Variants in EXOC6 observed in about 807,000 individuals in gnomAD.
The protein encoded by EXOC6 is SEC15-like 1.
In EXOC6, 60 loss-of-function variants were observed where a neutral mutation model predicts 112.5. The ratio of observed to expected loss-of-function variants is 0.53; its 90% CI spans 0.43 to 0.66. The LOEUF is 0.66. EXOC6 is among the 30% of genes least tolerant of loss of function. The probability of loss-of-function intolerance (pLI) is 0.00; values close to 1 mark genes in which losing one functional copy is unlikely to be tolerated. For synonymous variants in EXOC6, 295 were observed against 308.0 expected (o/e 0.96, Z 0.44); for missense variants, 855 against 957.1 (o/e 0.89, Z 1.41).
chr10:92,838,649 CG>C (rs1554878758), intron 1 of EXOC6, among the ~76,000 whole-genome samples: 1 of 152,104 alleles, frequency 6.6e-6, no homozygotes, highest in Non-Finnish European at 1.5e-5. Flanking sequence ...GAAAATACCA[CG>C]GTGGAAAAGT....
At chr10:92,988,800 TACAC>T (rs67242778) in intron 18 of EXOC6, among the ~76,000 whole-genome samples, 5,029 of 143,012 alleles carry the variant, frequency 0.035, 81 homozygotes, top group Middle Eastern at 0.051. Flanking sequence ...CTACAAAAAA[TACAC>T]ACACACACAC....
chr10:92,970,663 G>A (rs1330028911), intron 17 of EXOC6, among the ~76,000 whole-genome samples: 1 of 152,182 alleles, frequency 6.6e-6, no homozygotes, highest in Non-Finnish European at 1.5e-5. Context: ...TAGTTGAGGG[G>A]AAGCTCTGTT....
intron 19 of EXOC6, among the ~76,000 whole-genome samples, chr10:93,010,941 T>C (rs1004928212): frequency 3.3e-5 from 5 of 152,112 alleles, no homozygotes; most frequent in Non-Finnish European, 7.4e-5. Context: ...CATTGAGCTC[T>C]TTGGTTAAAT....
intron 17 of EXOC6, among the ~76,000 whole-genome samples, chr10:92,961,210 T>C (rs1232654074): frequency 6.6e-6 from 1 of 152,208 alleles, no homozygotes; most frequent in African/African-American, 2.4e-5. Context: ...CCTTGACTGA[T>C]TAATTGCATG....
At chr10:92,844,086 G>T (rs1227074261), upstream of EXOC6, among the ~76,000 whole-genome samples, 2 of 151,266 alleles carry the variant, frequency 1.3e-5, no homozygotes, top group Non-Finnish European at 2.9e-5. Context: ...GGAGGGCGGA[G>T]GTTGCAGTGA....
intron 17 of EXOC6, among the ~76,000 whole-genome samples, chr10:92,970,227 A>G (rs986487524): frequency 7.9e-5 from 12 of 152,196 alleles, no homozygotes; most frequent in African/African-American, 2.9e-4. Flanking sequence ...CCTATCATAG[A>G]TCAAAAATAT....
At chr10:93,017,046 C>T (rs910654670) in intron 20 of EXOC6, among the ~76,000 whole-genome samples, 2 of 151,926 alleles carry the variant, frequency 1.3e-5, no homozygotes, top group Non-Finnish European at 2.9e-5. Flanking sequence ...AAACTCCTGA[C>T]CTCAGGTGAT....
chr10:92,981,644 T>A (rs1384284989), intron 18 of EXOC6, among the ~76,000 whole-genome samples: 16 of 152,242 alleles, frequency 1.1e-4, no homozygotes, highest in Admixed American at 1.0e-3. Flanking sequence ...AATGTAATAT[T>A]CTTTGCTTAA....
At chr10:93,020,089 A>AT (rs1844713619) in intron 20 of EXOC6, among the ~76,000 whole-genome samples, 1 of 152,146 alleles carries the variant, frequency 6.6e-6, no homozygotes, top group Admixed American at 6.5e-5. Context: ...ATACATATTA[A>AT]AGGAAAAACC....
At chr10:92,898,868 A>G (rs1849986270) in intron 4 of EXOC6, among the ~76,000 whole-genome samples, 1 of 152,180 alleles carries the variant, frequency 6.6e-6, no homozygotes, top group Non-Finnish European at 1.5e-5. Flanking sequence ...TCCATATTGT[A>G]GAGGGAAAGC....
intron 19 of EXOC6, among the ~76,000 whole-genome samples, chr10:93,011,013 A>G (rs897795332): frequency 2.0e-5 from 3 of 152,206 alleles, no homozygotes; most frequent in African/African-American, 7.2e-5. Flanking sequence ...TTTTTAATGT[A>G]GAAAAATTCT....
intron 17 of EXOC6, among the ~76,000 whole-genome samples, chr10:92,962,585 G>A (rs1854070784): frequency 6.6e-6 from 1 of 151,978 alleles, no homozygotes; most frequent in African/African-American, 2.4e-5. Context: ...TAGAGACAGG[G>A]TCTAACTGTA....
chr10:92,926,832 C>T (rs1226085156), intron 8 of EXOC6, among the ~76,000 whole-genome samples: 1 of 152,000 alleles, frequency 6.6e-6, no homozygotes, highest in African/African-American at 2.4e-5. Context: ...TGTGCCCGGC[C>T]CCATATTTTT....
chr10:93,001,348 G>T (rs941911227), intron 19 of EXOC6, among the ~76,000 whole-genome samples: 7 of 152,258 alleles, frequency 4.6e-5, no homozygotes, highest in African/African-American at 1.7e-4. Context: ...TAATTGTCCA[G>T]CCATTCCTTG....
At chr10:93,019,824 G>A (rs1316165528) in intron 20 of EXOC6, among the ~76,000 whole-genome samples, 2 of 152,118 alleles carry the variant, frequency 1.3e-5, no homozygotes, top group Non-Finnish European at 2.9e-5. Flanking sequence ...AGTTCATACC[G>A]ATATTAGAGG....
intron 1 of EXOC6, chr10:92,834,897 T>C (rs993793600): frequency 2.4e-6 from 2 of 846,148 alleles, no homozygotes; most frequent in African/African-American, 3.4e-5. Context: ...CTTTTTATAA[T>C]TCTTTATAAG....
intron 5 of EXOC6, 80 bp from the exon 6 acceptor site, chr10:92,909,346 TA>T: frequency 9.6e-7 from 1 of 1,038,432 alleles, no homozygotes; most frequent in Non-Finnish European, 1.4e-6. Flanking sequence ...ATAATCAGTG[TA>T]AAACTGATTA....
chr10:92,991,435 C>CAAAAAA (rs1449664701), intron 18 of EXOC6, among the ~76,000 whole-genome samples: 2 of 48,834 alleles, frequency 4.1e-5, no homozygotes, highest in Non-Finnish European at 4.7e-5. Context: ...GACTCCATCT[C>CAAAAAA]AAAAAAAAAA....
At chr10:93,023,806 C>A (rs944851780) in intron 20 of EXOC6, among the ~76,000 whole-genome samples, 3 of 152,012 alleles carry the variant, frequency 2.0e-5, no homozygotes, top group Non-Finnish European at 2.9e-5. Flanking sequence ...TATTAAGATT[C>A]TTTGTATAAT....
Sources: allele counts gnomAD v4.1 joint callset (sites outside exome capture counted in the v4.1 genomes callset), GRCh38; gene constraint gnomAD v4.1.1; transcripts MANE v1.5; gene names NCBI Gene and HGNC (gene_info 2026-07-23, HGNC 2026-07-21).